KIF14: variants seen among roughly 807,000 people sequenced by gnomAD.
KIF14 encodes kinesin family member 14.
In KIF14, 98 loss-of-function variants were observed where a neutral mutation model predicts 176.2. That is an observed-to-expected ratio of 0.56 (90% CI 0.47 to 0.66). The LOEUF is 0.66. KIF14 is among the 30% of genes least tolerant of loss of function. The probability of loss-of-function intolerance (pLI) is 0.00; values close to 1 mark genes in which losing one functional copy is unlikely to be tolerated. For missense variants in KIF14, 1,751 were observed against 1,920.4 expected (o/e 0.91, Z 1.65); for synonymous variants, 566 against 632.2 (o/e 0.90, Z 1.57).
At position 200,605,380 on chromosome 1, in the gene KIF14, T is replaced by G; in HGVS notation, c.1649A>C (p.Glu550Ala). 1 of 1,610,968 alleles carries G rather than the reference T, an allele frequency of 6.2e-7. No individual in the cohort carries two copies. Among genetic ancestry groups the G allele is most frequent in the Non-Finnish European group, 8.5e-7 (1 of 1,177,810 alleles). The change falls in exon 8 of 30, where the codon GAA (glutamate) becomes GCA (alanine). Residue 550 changes from glutamate to alanine, a missense_variant. By Grantham distance (107) the Glu-to-Ala change is moderately radical. Coordinates refer to ENST00000367350, the MANE Select transcript of KIF14 (RefSeq NM_014875.3). ...AGTAGCTCTTTGTTTATTTCCCAAT[T>G]CTAGCCAACTCTTATAAGAAAAAAG... ...SSYADIQSWLELGNKQRATAA... is the reference protein window; with the variant it reads ...SSYADIQSWLALGNKQRATAA...
chr1:200,601,369 G>C (rs1021851403), intron 11 of KIF14, among the ~76,000 whole-genome samples: 4 of 152,192 alleles, frequency 2.6e-5, no homozygotes, highest in African/African-American at 9.6e-5. Context: ...TTCTACATCA[G>C]CAAAGATAAA....
intron 7 of KIF14, 151 bp from the exon 8 acceptor site, chr1:200,605,541 T>C: frequency 3.7e-6 from 2 of 536,616 alleles, no homozygotes; most frequent in Non-Finnish European, 6.4e-6. Context: ...TATACACATT[T>C]GTAATTAATT....
rs567492973 is a variant in KIF14, at chr1:200,565,466, C to T, written c.3865G>A (p.Asp1289Asn). Residue 1289 changes from aspartate to asparagine, a missense_variant, in exon 24 of 30, where the codon GAT becomes AAT. Asp to Asn is a conservative substitution (Grantham distance 23). Transcript: ENST00000367350. ...TTACAGTTATCTTGACTTTCTTCATCTTGTTCTTCATGAGCCTTGGAAATG... is the reference window on the plus strand; with the variant it reads ...TTACAGTTATCTTGACTTTCTTCATTTTGTTCTTCATGAGCCTTGGAAATG... ...FAISKAHEEQ[D>N]EESQDNLFSS... The T allele has an allele frequency of 3.1e-5, 49 of 1,594,830 alleles. No homozygotes were observed. In the South Asian group the frequency reaches 5.1e-4, roughly 16 times the overall value.
intron 28 of KIF14, 43 bp downstream of exon 28, chr1:200,555,337 T>C (rs936236888): frequency 1.2e-5 from 15 of 1,276,452 alleles, no homozygotes; most frequent in Non-Finnish European, 1.6e-5. Flanking sequence ...AGTGAAATGA[T>C]AAAAAATAAG....
intron 18 of KIF14, among the ~76,000 whole-genome samples, chr1:200,586,686 T>C (rs2102674563): frequency 6.6e-6 from 1 of 150,894 alleles, no homozygotes; most frequent in East Asian, 1.9e-4. Context: ...TGCATGTGTA[T>C]GCTTATCACA....
At chr1:200,612,296 C>T (rs1247637409) in intron 4 of KIF14, among the ~76,000 whole-genome samples, 2 of 152,212 alleles carry the variant, frequency 1.3e-5, no homozygotes, top group African/African-American at 4.8e-5. Context: ...AGCCACCATG[C>T]CTGGCCAACC....
At chr1:200,576,869 C>A (rs1312382515) in intron 21 of KIF14, among the ~76,000 whole-genome samples, 1 of 151,882 alleles carries the variant, frequency 6.6e-6, no homozygotes, top group Non-Finnish European at 1.5e-5. Context: ...CTCAAGTGAT[C>A]CTCTCATCTC....
chr1:200,605,922 T>C (rs373102446), intron 6 of KIF14, 28 bp from the exon 7 acceptor site: 3 of 1,329,534 alleles, frequency 2.3e-6, no homozygotes, highest in African/African-American at 3.0e-5. Context: ...AAAGACAAAA[T>C]CAATTTTACT....
intron 25 of KIF14, among the ~76,000 whole-genome samples, chr1:200,564,167 C>A (rs1286557643): frequency 7.5e-6 from 1 of 132,678 alleles, no homozygotes; most frequent in Admixed American, 8.4e-5. Context: ...GAGGCTGAGG[C>A]AGGAGAATCG....
Position 200,580,276 on chromosome 1 carries a change from G to T in KIF14, c.3443C>A (p.Ala1148Glu). ...WSLEKFESKL[A>E]AMKELYESNG... ...AACCTCATAAAGTTCTTTCATTGCT[G>T]CAAGTTTAGATTCAAACTTTTCCAG... The change falls in exon 21 of 30, where the codon GCA (alanine) becomes GAA (glutamate). Residue 1148 changes from alanine (A) to glutamate (E), a missense_variant. Transcript: ENST00000367350. 1 of 1,455,844 alleles carries T rather than the reference G, an allele frequency of 6.9e-7. No homozygotes were observed. The highest frequency in any genetic ancestry group is 9.2e-7 in the Non-Finnish European group (1 of 1,092,392). 90.2% of individuals were successfully genotyped at this position (1,455,844 alleles called of 1,614,324 possible). A position where few individuals can be genotyped will look rare whatever the true frequency, so the allele number is the denominator to read the frequency against.
intron 23 of KIF14, 29 bp from the exon 24 acceptor site, chr1:200,565,698 G>T: frequency 6.9e-7 from 1 of 1,441,842 alleles, no homozygotes; most frequent in South Asian, 1.3e-5. Flanking sequence ...GCCATTTTAA[G>T]CTTGTTTTCA....
At chr1:200,603,039 A>G (rs1332708412) in intron 10 of KIF14, among the ~76,000 whole-genome samples, 187 bp downstream of exon 10, 6 of 152,218 alleles carry the variant, frequency 3.9e-5, no homozygotes, top group African/African-American at 1.2e-4. Context: ...AATATTAAGT[A>G]ATTTGCCCAA....
intron 2 of KIF14, among the ~76,000 whole-genome samples, chr1:200,615,891 A>G (rs911772625): frequency 1.3e-5 from 2 of 151,844 alleles, no homozygotes; most frequent in African/African-American, 4.8e-5. Context: ...CTCTTGAACT[A>G]TACCTTTTCC....
In KIF14 at chr1:200,565,116, T is replaced by C; in HGVS notation, c.4024A>G (p.Arg1342Gly). The C allele has an allele frequency of 6.2e-7, 1 of 1,613,090 alleles. No homozygotes were observed. ...TNIARLEDEL[R>G]QEVKKLGGYL... ...CCTCCCAGTTTTTTAACTTCTTGTC[T>C]CAACTCATCCTCAAGTCTTGCTATG... The change falls in exon 25 of 30, where the codon AGA becomes GGA. Residue 1342 changes from arginine to glycine, a missense_variant. Arg to Gly is a moderately radical substitution (Grantham distance 125). Transcript: ENST00000367350.
At chr1:200,600,262 G>A in intron 12 of KIF14, 94 bp downstream of exon 12, 4 of 1,357,186 alleles carry the variant, frequency 2.9e-6, no homozygotes, top group South Asian at 1.2e-5. Context: ...CATAAGGAAG[G>A]TCGGAAAAAT....
At chr1:200,556,053 T>C (rs1241209064) in intron 27 of KIF14, among the ~76,000 whole-genome samples, 1 of 152,222 alleles carries the variant, frequency 6.6e-6, no homozygotes, top group Non-Finnish European at 1.5e-5. Flanking sequence ...TGATTCTCCA[T>C]TATAGTCCTA....
chr1:200,580,342 C>T lies in KIF14; in HGVS notation c.3377G>A (p.Arg1126Gln), dbSNP rs539174318. 9.2e-6 allele frequency: 14 copies of T among 1,517,218 alleles called. No individual in the cohort carries two copies. Among genetic ancestry groups the T allele is most frequent in the Admixed American group, 7.6e-5 (4 of 52,564 alleles). The allele number at this position is 1,517,218 out of a possible 1,614,324, so 94.0% of individuals were successfully genotyped here. Residue 1126 changes from arginine (R) to glutamine (Q), a missense_variant, in exon 21 of 30, where the codon CGG becomes CAG. By Grantham distance (43) the Arg-to-Gln change is conservative (BLOSUM62 1). Coordinates refer to ENST00000367350, the MANE Select transcript of KIF14 (RefSeq NM_014875.3). ...SDKSSSDTSI[R>Q]VRNLKLGIST... is the part of the protein sequence containing the mutation. Reference sequence around the variant, plus strand: ...GATTCCTAGTTTCAGGTTACGAACCCGAATAGAAGTGTCAGAACTACTTTT... The same window carrying T: ...GATTCCTAGTTTCAGGTTACGAACCTGAATAGAAGTGTCAGAACTACTTTT...
chr1:200,562,128 C>A (rs1657198321), intron 25 of KIF14, among the ~76,000 whole-genome samples: 2 of 152,206 alleles, frequency 1.3e-5, no homozygotes, highest in African/African-American at 4.8e-5. Flanking sequence ...GAAAAGGATT[C>A]TCAAACCATA....
chr1:200,558,371 C>T (rs149038279), intron 27 of KIF14, among the ~76,000 whole-genome samples: 201 of 152,224 alleles, frequency 1.3e-3, no homozygotes, highest in African/African-American at 4.6e-3. Context: ...CAGTAATTGT[C>T]AATAAAGAAA....
Sources: gnomAD v4.1 joint callset for allele counts (sites outside exome capture counted in the v4.1 genomes callset) on GRCh38, gnomAD v4.1.1 for gene constraint, MANE v1.5 for transcripts, NCBI Gene and HGNC (gene_info 2026-07-23, HGNC 2026-07-21) for gene names.